Variants in RGS6 observed in about 807,000 individuals in gnomAD.
RGS6 encodes regulator of G-protein signaling 6.
A neutral mutation model predicts 78.5 loss-of-function variants in RGS6; 30 were observed. That is an observed-to-expected ratio of 0.38 (90% CI 0.29 to 0.52). The LOEUF (loss-of-function observed/expected upper bound fraction) is 0.52, where lower values mean the gene tolerates loss of function less well. RGS6 is among the 20% of genes least tolerant of loss of function. The pLI is 0.85. For missense variants in RGS6, 495 were observed against 609.7 expected (o/e 0.81, Z 1.98); for synonymous variants, 206 against 206.0 (o/e 1.00, Z 0.00).
chr14:72,102,696 C>T (rs1291068692), intron 2 of RGS6, among the ~76,000 whole-genome samples: 1 of 152,064 alleles, frequency 6.6e-6, no homozygotes, highest in African/African-American at 2.4e-5. Flanking sequence ...TTCACACGTA[C>T]ACAATGAAAC....
intron 2 of RGS6, among the ~76,000 whole-genome samples, chr14:72,189,503 C>T (rs904874281): frequency 6.6e-6 from 1 of 152,080 alleles, no homozygotes; most frequent in Non-Finnish European, 1.5e-5. Flanking sequence ...TATTCAGGCA[C>T]GAAGTTTAGG....
intron 2 of RGS6, among the ~76,000 whole-genome samples, chr14:72,003,022 T>C (rs536247787): frequency 6.6e-6 from 1 of 152,326 alleles, no homozygotes; most frequent in East Asian, 1.9e-4. Flanking sequence ...ACTTAGCATA[T>C]AAATCCTGAA....
chr14:72,608,502 G>C, the RGS6 span, among the ~76,000 whole-genome samples: 1 of 152,080 alleles, frequency 6.6e-6, no homozygotes, highest in African/African-American at 2.4e-5. Flanking sequence ...GCTTCTAGAT[G>C]GGTCCTGCAC....
At chr14:72,165,958 T>C (rs540306437) in intron 2 of RGS6, among the ~76,000 whole-genome samples, 7 of 152,342 alleles carry the variant, frequency 4.6e-5, no homozygotes, top group African/African-American at 1.7e-4. Context: ...CTCATATTAC[T>C]GAATTTACCA....
chr14:71,927,704 C>G (rs2087736416), upstream of RGS6, among the ~76,000 whole-genome samples: 1 of 151,050 alleles, frequency 6.6e-6, no homozygotes, highest in Non-Finnish European at 1.5e-5. Context: ...GTCGCCCAGG[C>G]TGGAGTGCAG....
the RGS6 span, among the ~76,000 whole-genome samples, chr14:72,596,254 C>T: frequency 8.5e-5 from 13 of 152,286 alleles, no homozygotes; most frequent in Non-Finnish European, 1.9e-4. Context: ...TTGTCACTCC[C>T]TTCCATCTCC....
intron 2 of RGS6, among the ~76,000 whole-genome samples, chr14:72,057,198 C>T (rs951013434): frequency 1.3e-5 from 2 of 150,996 alleles, no homozygotes; most frequent in Non-Finnish European, 2.9e-5. Flanking sequence ...CCTGTAATCC[C>T]AGCTTCTTGG....
chr14:72,602,326 A>G, the RGS6 span, among the ~76,000 whole-genome samples: 3 of 152,174 alleles, frequency 2.0e-5, no homozygotes, highest in East Asian at 3.9e-4. Context: ...GGATGGTAGG[A>G]GAAGGATGAG....
At chr14:71,961,056 A>C (rs1161454481) in intron 1 of RGS6, among the ~76,000 whole-genome samples, 2 of 152,200 alleles carry the variant, frequency 1.3e-5, no homozygotes, top group Non-Finnish European at 2.9e-5. Flanking sequence ...CAAAGAATAA[A>C]TGATGAGTTC....
At chr14:71,915,494 C>A in the RGS6 span, among the ~76,000 whole-genome samples, 1 of 152,100 alleles carries the variant, frequency 6.6e-6, no homozygotes. Context: ...GCAATTCTGG[C>A]CATTGTTGTA....
chr14:72,480,365 T>C (rs2096346776), intron 12 of RGS6, among the ~76,000 whole-genome samples: 1 of 152,186 alleles, frequency 6.6e-6, no homozygotes, highest in Non-Finnish European at 1.5e-5. Context: ...CGGCCCATCC[T>C]ATTGTTTGTT....
chr14:71,876,774 T>A, the RGS6 span, among the ~76,000 whole-genome samples: 1 of 152,122 alleles, frequency 6.6e-6, no homozygotes, highest in Non-Finnish European at 1.5e-5. Flanking sequence ...CTAGCCTCGA[T>A]GGTCTTTACA....
chr14:72,259,414 A>G (rs1363807281), intron 2 of RGS6, among the ~76,000 whole-genome samples: 1 of 152,084 alleles, frequency 6.6e-6, no homozygotes, highest in Non-Finnish European at 1.5e-5. Context: ...GCATTTAGGC[A>G]TCTGATTTAG....
At chr14:71,894,753 G>A in the RGS6 span, among the ~76,000 whole-genome samples, 1 of 152,148 alleles carries the variant, frequency 6.6e-6, no homozygotes. Flanking sequence ...ATATATGACT[G>A]TTTTTGTGTC....
At chr14:72,459,231 G>A (rs537992808) in intron 5 of RGS6, among the ~76,000 whole-genome samples, 1 of 152,236 alleles carries the variant, frequency 6.6e-6, no homozygotes, top group African/African-American at 2.4e-5. Context: ...TGAGGGCAGA[G>A]GATATGGGCT....
intron 17 of RGS6, among the ~76,000 whole-genome samples, chr14:72,555,077 A>G (rs1393450562): frequency 6.6e-6 from 1 of 152,206 alleles, no homozygotes; most frequent in Non-Finnish European, 1.5e-5. Flanking sequence ...CTGGCTGGGC[A>G]CCCCGAATTA....
chr14:71,959,927 G>C (rs1443745761), intron 1 of RGS6, among the ~76,000 whole-genome samples: 2 of 152,164 alleles, frequency 1.3e-5, no homozygotes, highest in African/African-American at 2.4e-5. Context: ...ATTGTCAAAG[G>C]CCACATAGTA....
At chr14:72,270,667 C>T (rs1206118309) in intron 2 of RGS6, among the ~76,000 whole-genome samples, 1 of 152,222 alleles carries the variant, frequency 6.6e-6, no homozygotes. Flanking sequence ...CCAGTGCTGC[C>T]TGTCAACCAG....
At chr14:71,918,599 A>T in the RGS6 span, among the ~76,000 whole-genome samples, 1 of 152,206 alleles carries the variant, frequency 6.6e-6, no homozygotes, top group Non-Finnish European at 1.5e-5. Flanking sequence ...CAGCAAAATA[A>T]CTTTGTGTTT....
Sources: gnomAD v4.1 joint callset for allele counts (sites outside exome capture counted in the v4.1 genomes callset) on GRCh38, gnomAD v4.1.1 for gene constraint, MANE v1.5 for transcripts, NCBI Gene and HGNC (gene_info 2026-07-23, HGNC 2026-07-21) for gene names.